EFCAB8: variants seen among roughly 807,000 people sequenced by gnomAD.
EFCAB8 encodes the protein EF-hand calcium-binding domain-containing protein 8.
EFCAB8 carries 100 observed loss-of-function variants against 116.3 expected under a neutral mutation model. The observed-to-expected ratio is 0.86, with a 90% CI of 0.73 to 1.02. The LOEUF (loss-of-function observed/expected upper bound fraction) is 1.02, where lower values mean the gene tolerates loss of function less well. Ranked by LOEUF, EFCAB8 falls within the 50% of genes least tolerant of loss-of-function variation. The pLI, the probability that EFCAB8 is intolerant of heterozygous loss-of-function variation, is 0.00. For missense variants in EFCAB8, 1,320 were observed against 1,416.9 expected (o/e 0.93, Z 1.10); for synonymous variants, 558 against 567.9 (o/e 0.98, Z 0.25).
intron 22 of EFCAB8, among the ~76,000 whole-genome samples, chr20:32,939,187 CTTTCTTTCTTT>C (rs1255456657): frequency 1.5e-5 from 1 of 67,646 alleles, no homozygotes; most frequent in Middle Eastern, 9.1e-3. Flanking sequence ...TTCTTTCTTT[CTTTCTTTCTTT>C]CTTTCCTCTC....
At chr20:32,907,296 G>A (rs1045887928) in intron 13 of EFCAB8, among the ~76,000 whole-genome samples, 3 of 152,256 alleles carry the variant, frequency 2.0e-5, no homozygotes, top group Non-Finnish European at 4.4e-5. Flanking sequence ...AGAACCAGCA[G>A]CAAAACAGCA....
Position 32,902,357 on chromosome 20 carries a change from G to A in EFCAB8, c.1088+3734G>A, listed in dbSNP as rs1600403382. Among the ~76,000 whole-genome samples, 4 of 152,104 alleles carry A rather than the reference G, an allele frequency of 2.6e-5. 1 individual carries two copies. Among genetic ancestry groups the A allele is most frequent in the African/African-American group, 9.6e-5 (4 of 41,496 alleles). On this transcript the variant is annotated intron_variant, in intron 11 of 26. Coordinates refer to ENST00000400522, the MANE Select transcript of EFCAB8 (RefSeq NM_001143967.2). ...GACTGGAGATGTATTTTTGGGGTAG[G>A]GTAGAGAATATATTTACACACACAA...
intron 22 of EFCAB8, among the ~76,000 whole-genome samples, chr20:32,936,323 C>T (rs889426947): frequency 1.4e-4 from 22 of 152,250 alleles, no homozygotes; most frequent in East Asian, 3.9e-4. Flanking sequence ...TGTGAGCCAC[C>T]GCGCCTGGCC....
intron 14 of EFCAB8, among the ~76,000 whole-genome samples, chr20:32,908,634 T>C (rs1986787252): frequency 6.6e-6 from 1 of 152,202 alleles, no homozygotes; most frequent in Non-Finnish European, 1.5e-5. Context: ...GCTGCTGCTG[T>C]CTGCACTGTC....
At chr20:32,934,537 A>G (rs1988028867) in intron 22 of EFCAB8, among the ~76,000 whole-genome samples, 2 of 152,278 alleles carry the variant, frequency 1.3e-5, no homozygotes, top group South Asian at 2.1e-4. Flanking sequence ...GAAACCCCAT[A>G]CTATTTCTCG....
rs1984394832 is a variant in EFCAB8, at chr20:32,866,245, TG to T, written c.43-1333del. Among the ~76,000 whole-genome samples, 4 of 152,286 alleles carry T rather than the reference TG, an allele frequency of 2.6e-5. No individual in the cohort carries two copies. The South Asian group carries it at 8.3e-4, about 32-fold the overall frequency. On this transcript the variant is annotated intron_variant, in intron 2 of 26. Transcript: ENST00000400522. ...AGGATGAGCACATTTGCTCTTTAGTTGGGGCTAAGTGGGGGAGAGTGAGCAA... is the reference window on the plus strand; with the variant it reads ...AGGATGAGCACATTTGCTCTTTAGTTGGGCTAAGTGGGGGAGAGTGAGCAA...
intron 20 of EFCAB8, among the ~76,000 whole-genome samples, chr20:32,927,847 C>T (rs1008381889): frequency 6.6e-6 from 1 of 152,020 alleles, no homozygotes; most frequent in South Asian, 2.1e-4. Context: ...TAGTGAAATA[C>T]ACATAACATA....
chr20:32,864,452 C>A (rs538956423), intron 2 of EFCAB8, among the ~76,000 whole-genome samples: 3 of 152,122 alleles, frequency 2.0e-5, no homozygotes, highest in African/African-American at 7.2e-5. Flanking sequence ...CATGGTGGCA[C>A]ATGCCTGTGG....
chr20:32,882,885 C>T (rs776153591), intron 5 of EFCAB8, among the ~76,000 whole-genome samples: 4 of 152,000 alleles, frequency 2.6e-5, no homozygotes, highest in East Asian at 1.9e-4. Flanking sequence ...TTAGTAGAGA[C>T]GGGGTTTCAC....
chr20:32,927,556 G>T lies in EFCAB8; in HGVS notation c.2413-2842G>T, dbSNP rs1052093491. ...GACAGGGTTTCACCATGTTGGTCAGGCTGGTCTTGAACTCCTGACCTCAGG... is the reference window on the plus strand; with the variant it reads ...GACAGGGTTTCACCATGTTGGTCAGTCTGGTCTTGAACTCCTGACCTCAGG... On this transcript the variant is annotated intron_variant, in intron 20 of 26. Transcript: ENST00000400522. Among the ~76,000 whole-genome samples the T allele has an allele frequency of 6.6e-5, 10 of 152,138 alleles. No homozygotes were observed. In the East Asian group the frequency reaches 1.9e-3, roughly 29 times the overall value.
intron 1 of EFCAB8, among the ~76,000 whole-genome samples, chr20:32,863,280 T>C (rs1984212529): frequency 6.6e-6 from 1 of 152,154 alleles, no homozygotes. Flanking sequence ...AGAAACGTTC[T>C]CTTTATATTC....
At chr20:32,885,360 T>G in intron 5 of EFCAB8, 145 bp from the exon 6 acceptor site, 1 of 1,112,074 alleles carries the variant, frequency 9.0e-7, no homozygotes, top group Non-Finnish European at 1.3e-6. Flanking sequence ...CAGCTATGGG[T>G]TTATGGCGTG....
intron 8 of EFCAB8, 94 bp downstream of exon 8, chr20:32,892,391 C>A (rs1471719490): frequency 1.2e-5 from 14 of 1,150,032 alleles, no homozygotes; most frequent in Non-Finnish European, 1.4e-5. Context: ...CCCCAGAAAG[C>A]CTCCTTGGAA....
chr20:32,868,826 A>G (rs1984551311), intron 3 of EFCAB8, among the ~76,000 whole-genome samples: 1 of 152,188 alleles, frequency 6.6e-6, no homozygotes. Context: ...CTCTACTAAA[A>G]ATACAAAAAT....
chr20:32,938,674 CTT>C (rs1988214799), intron 22 of EFCAB8, among the ~76,000 whole-genome samples: 1 of 149,398 alleles, frequency 6.7e-6, no homozygotes, highest in South Asian at 2.1e-4. Flanking sequence ...AAAAATTTCA[CTT>C]ATAATCGCAT....
chr20:32,927,480 G>T (rs1329008849), intron 20 of EFCAB8, among the ~76,000 whole-genome samples: 1 of 152,128 alleles, frequency 6.6e-6, no homozygotes, highest in East Asian at 1.9e-4. Flanking sequence ...GAGTAGCTGG[G>T]ATTAAAGGTG....
intron 2 of EFCAB8, among the ~76,000 whole-genome samples, chr20:32,865,725 G>A (rs1984361567): frequency 6.6e-6 from 1 of 151,848 alleles, no homozygotes; most frequent in African/African-American, 2.4e-5. Context: ...CTTGAACCCA[G>A]GAGGCAGAGG....
chr20:32,895,857 C>T (rs372471270), intron 9 of EFCAB8, among the ~76,000 whole-genome samples: 12 of 152,152 alleles, frequency 7.9e-5, no homozygotes, highest in African/African-American at 2.9e-4. Flanking sequence ...AGGCGTGAGC[C>T]ACCGTGCCTG....
intron 17 of EFCAB8, among the ~76,000 whole-genome samples, chr20:32,914,241 A>G (rs561091550): frequency 6.6e-6 from 1 of 152,308 alleles, no homozygotes; most frequent in East Asian, 1.9e-4. Context: ...TTAAGCGATG[A>G]TGGTAGAGTG....
Sources: allele counts gnomAD v4.1 joint callset (sites outside exome capture counted in the v4.1 genomes callset), GRCh38; gene constraint gnomAD v4.1.1; transcripts MANE v1.5; gene names NCBI Gene and HGNC (gene_info 2026-07-23, HGNC 2026-07-21).